NRXN3: variants seen among roughly 807,000 people sequenced by gnomAD.
The protein encoded by NRXN3 is neurexin 3.
In NRXN3, 32 loss-of-function variants were observed where a neutral mutation model predicts 137.6. The ratio of observed to expected loss-of-function variants is 0.23; its 90% confidence interval spans 0.18 to 0.31. The LOEUF (loss-of-function observed/expected upper bound fraction) is 0.31, where lower values mean the gene tolerates loss of function less well. Ranked by LOEUF, NRXN3 falls within the 10% of genes least tolerant of loss-of-function variation. The pLI is 1.00. For missense variants in NRXN3, 1,574 were observed against 2,062.5 expected (o/e 0.76, Z 4.59); for synonymous variants, 798 against 784.5 (o/e 1.02, Z -0.29).
chr14:78,719,566 G>T (rs770739652), intron 8 of NRXN3, among the ~76,000 whole-genome samples: 1 of 152,130 alleles, frequency 6.6e-6, no homozygotes, highest in Non-Finnish European at 1.5e-5. Flanking sequence ...CAGAGGCCAG[G>T]AGTGGTGGCT....
At chr14:79,036,785 TG>T (rs1175598711) in intron 15 of NRXN3, among the ~76,000 whole-genome samples, 1 of 151,724 alleles carries the variant, frequency 6.6e-6, no homozygotes, top group Non-Finnish European at 1.5e-5. Flanking sequence ...ATGAGGTGTA[TG>T]GGGGAAAGGC....
intron 1 of NRXN3, among the ~76,000 whole-genome samples, chr14:78,237,985 C>T (rs202231138): frequency 5.9e-5 from 9 of 152,196 alleles, no homozygotes; most frequent in African/African-American, 1.9e-4. Flanking sequence ...GTAGACAGTC[C>T]GACTTCCTTG....
intron 16 of NRXN3, among the ~76,000 whole-genome samples, chr14:79,531,730 T>C (rs896584887): frequency 2.0e-5 from 3 of 152,212 alleles, no homozygotes; most frequent in African/African-American, 7.2e-5. Flanking sequence ...CGGACCATGA[T>C]ATCCAGTTTA....
intron 1 of NRXN3, among the ~76,000 whole-genome samples, chr14:78,208,337 C>A (rs1180454108): frequency 6.6e-6 from 1 of 152,138 alleles, no homozygotes; most frequent in African/African-American, 2.4e-5. Context: ...TATCCTCCTG[C>A]CCTTGACACT....
intron 15 of NRXN3, among the ~76,000 whole-genome samples, chr14:79,106,945 A>AT (rs1360315201): frequency 5.9e-5 from 9 of 152,276 alleles, no homozygotes; most frequent in East Asian, 3.9e-4. Flanking sequence ...CTAATTTGTG[A>AT]TTTTTTAAAA....
At chr14:78,343,065 GCCT>G (rs1222750708) in intron 4 of NRXN3, among the ~76,000 whole-genome samples, 7 of 152,110 alleles carry the variant, frequency 4.6e-5, no homozygotes, top group African/African-American at 1.4e-4. Flanking sequence ...AATTTCTTGA[GCCT>G]CACCCTAGAT....
At chr14:79,584,030 C>A (rs1567574582) in intron 16 of NRXN3, among the ~76,000 whole-genome samples, 1 of 152,176 alleles carries the variant, frequency 6.6e-6, no homozygotes, top group South Asian at 2.1e-4. Context: ...ATGAAGTCAT[C>A]ATAGACTTGC....
intron 15 of NRXN3, among the ~76,000 whole-genome samples, chr14:79,345,296 T>C (rs963214198): frequency 2.6e-5 from 4 of 152,282 alleles, no homozygotes; most frequent in African/African-American, 9.6e-5. Flanking sequence ...ATATAAGATT[T>C]ATCATCACTT....
intron 20 of NRXN3, among the ~76,000 whole-genome samples, chr14:79,838,743 A>T (rs1310059452): frequency 6.6e-6 from 1 of 152,114 alleles, no homozygotes; most frequent in Non-Finnish European, 1.5e-5. Context: ...ACACCATGCC[A>T]CTCAGACATG....
At chr14:78,936,363 T>C (rs2099338801) in intron 10 of NRXN3, among the ~76,000 whole-genome samples, 1 of 152,170 alleles carries the variant, frequency 6.6e-6, no homozygotes, top group Non-Finnish European at 1.5e-5. Context: ...TAAATAACCA[T>C]TTATTGGAAC....
intron 19 of NRXN3, among the ~76,000 whole-genome samples, chr14:79,753,968 T>C (rs2099008482): frequency 6.6e-6 from 1 of 152,044 alleles, no homozygotes; most frequent in South Asian, 2.1e-4. Flanking sequence ...AGTTATATTG[T>C]TTTAGGTATT....
intron 19 of NRXN3, among the ~76,000 whole-genome samples, chr14:79,770,591 A>C (rs2099074052): frequency 6.6e-6 from 1 of 150,618 alleles, no homozygotes; most frequent in African/African-American, 2.5e-5. Flanking sequence ...ACAAAGACAC[A>C]ACATACTAGA....
intron 4 of NRXN3, among the ~76,000 whole-genome samples, chr14:78,401,931 G>A (rs144261403): frequency 2.6e-5 from 4 of 152,326 alleles, no homozygotes; most frequent in Non-Finnish European, 5.9e-5. Context: ...GCCTGCATTC[G>A]ATTCCAGGTT....
At chr14:79,329,843 G>GTTT (rs11338173) in intron 15 of NRXN3, among the ~76,000 whole-genome samples, 1 of 142,936 alleles carries the variant, frequency 7.0e-6, no homozygotes, top group Non-Finnish European at 1.5e-5. Flanking sequence ...GATCAAAAGA[G>GTTT]TTTTTTTTTT....
intron 15 of NRXN3, among the ~76,000 whole-genome samples, chr14:79,336,009 TCAGA>T (rs2092234267): frequency 6.6e-6 from 1 of 152,160 alleles, no homozygotes; most frequent in Admixed American, 6.6e-5. Flanking sequence ...CTGCATCAAT[TCAGA>T]CAGTTTGGTT....
At chr14:79,091,011 C>T (rs950929212) in intron 15 of NRXN3, among the ~76,000 whole-genome samples, 11 of 151,354 alleles carry the variant, frequency 7.3e-5, no homozygotes, top group African/African-American at 1.2e-4. Context: ...GTCTGTATTA[C>T]GAGAACTCGT....
At chr14:79,307,367 T>A (rs898110685) in intron 15 of NRXN3, among the ~76,000 whole-genome samples, 1 of 152,174 alleles carries the variant, frequency 6.6e-6, no homozygotes, top group Non-Finnish European at 1.5e-5. Context: ...ATTTTAGGTT[T>A]ACCCCTTGTT....
intron 10 of NRXN3, among the ~76,000 whole-genome samples, chr14:78,895,446 G>C (rs2099170800): frequency 6.6e-6 from 1 of 151,862 alleles, no homozygotes; most frequent in African/African-American, 2.4e-5. Context: ...TTTGGGCCTT[G>C]CTCTGGGTTA....
chr14:79,663,266 A>G (rs900797954), intron 16 of NRXN3, among the ~76,000 whole-genome samples: 8 of 146,314 alleles, frequency 5.5e-5, no homozygotes, highest in East Asian at 4.1e-4. Context: ...GTGTGTGTGT[A>G]TATTTATATA....
Sources: allele counts gnomAD v4.1 joint callset (sites outside exome capture counted in the v4.1 genomes callset), GRCh38; gene constraint gnomAD v4.1.1; transcripts MANE v1.5; gene names NCBI Gene and HGNC (gene_info 2026-07-23, HGNC 2026-07-21).